Variants in GSE1 observed in about 807,000 individuals in gnomAD.
The protein encoded by GSE1 is Gse1 coiled-coil protein, also known as genetic suppressor element 1.
A neutral mutation model predicts 112.6 loss-of-function variants in GSE1; 32 were observed. The observed-to-expected ratio is 0.28, with a 90% CI of 0.21 to 0.38. GSE1 has a LOEUF of 0.38. Ranked by LOEUF, GSE1 falls within the 10% of genes least tolerant of loss-of-function variation. GSE1 has a pLI of 1.00. For missense variants in GSE1, 2,348 were observed against 1,699.2 expected, an observed-to-expected ratio of 1.38 and a Z score of -6.71; for synonymous variants, 1,115 against 735.6, an observed-to-expected ratio of 1.52 and a Z score of -8.35.
At chr16:85,432,973 C>G (rs893553851) in intron 2 of GSE1, among the ~76,000 whole-genome samples, 2 of 152,054 alleles carry the variant, frequency 1.3e-5, no homozygotes, top group African/African-American at 4.8e-5. Flanking sequence ...AGAGCGGTCA[C>G]ACTGTGGATG....
chr16:85,513,257 TC>T (rs2051807554), intron 2 of GSE1, among the ~76,000 whole-genome samples: 2 of 151,860 alleles, frequency 1.3e-5, no homozygotes, highest in Non-Finnish European at 2.9e-5. Context: ...GGGTTTTCCC[TC>T]CCGGCTCAGA....
intron 1 of GSE1, among the ~76,000 whole-genome samples, chr16:85,213,620 C>T (rs556405973): frequency 1.3e-5 from 2 of 152,248 alleles, no homozygotes; most frequent in Admixed American, 6.5e-5. Context: ...ATTGCAACAG[C>T]CAGCCCGTGT....
intron 1 of GSE1, among the ~76,000 whole-genome samples, chr16:85,271,371 C>G (rs1022251921): frequency 3.9e-5 from 6 of 152,202 alleles, no homozygotes; most frequent in Non-Finnish European, 8.8e-5. Context: ...TCATCTTCCT[C>G]TCAGTCAGCT....
chr16:85,536,603 C>A (rs558111482), intron 2 of GSE1, among the ~76,000 whole-genome samples: 3 of 152,354 alleles, frequency 2.0e-5, no homozygotes, highest in Non-Finnish European at 4.4e-5. Context: ...CACCCACACT[C>A]AGTGTGACAA....
chr16:85,511,797 G>C (rs1306187763), intron 2 of GSE1, among the ~76,000 whole-genome samples: 1 of 152,196 alleles, frequency 6.6e-6, no homozygotes. Flanking sequence ...AGCTGGAAGA[G>C]GCAGGAAGGA....
intron 2 of GSE1, among the ~76,000 whole-genome samples, chr16:85,500,892 A>T (rs575157636): frequency 6.6e-6 from 1 of 151,642 alleles, no homozygotes; most frequent in Non-Finnish European, 1.5e-5. Flanking sequence ...TGCCTCTGTC[A>T]GCACGTGGCT....
intron 2 of GSE1, among the ~76,000 whole-genome samples, chr16:85,635,696 G>C (rs80013363): frequency 1.3e-5 from 2 of 152,136 alleles, no homozygotes. Flanking sequence ...AGGGATTTCC[G>C]AGGCCACGGG....
intron 1 of GSE1, among the ~76,000 whole-genome samples, chr16:85,296,687 C>G (rs2045376094): frequency 6.6e-6 from 1 of 152,212 alleles, no homozygotes. Context: ...ACTTCTTCCT[C>G]TGTGCAAACG....
intron 2 of GSE1, among the ~76,000 whole-genome samples, chr16:85,449,655 A>G (rs950122043): frequency 3.9e-5 from 6 of 152,240 alleles, no homozygotes; most frequent in Non-Finnish European, 8.8e-5. Context: ...AGATGCATTC[A>G]GGAAACACTG....
intron 1 of GSE1, among the ~76,000 whole-genome samples, chr16:85,183,001 C>G (rs888520351): frequency 1.3e-5 from 2 of 152,190 alleles, no homozygotes; most frequent in South Asian, 4.1e-4. Context: ...TGCATACTCA[C>G]TGTTACACAT....
At chr16:85,646,355 G>C (rs2050870343) in intron 2 of GSE1, among the ~76,000 whole-genome samples, 1 of 152,272 alleles carries the variant, frequency 6.6e-6, no homozygotes, top group Non-Finnish European at 1.5e-5. Context: ...TCAGATGGCA[G>C]CATCTGTCCC....
At chr16:85,474,246 G>A (rs918274670) in intron 2 of GSE1, among the ~76,000 whole-genome samples, 2 of 152,058 alleles carry the variant, frequency 1.3e-5, no homozygotes, top group East Asian at 3.9e-4. Context: ...TGCAGGGAGA[G>A]CCGGCATCTC....
chr16:85,621,123 G>A (rs965208458), intron 1 of GSE1, among the ~76,000 whole-genome samples: 1 of 151,822 alleles, frequency 6.6e-6, no homozygotes, highest in African/African-American at 2.4e-5. Flanking sequence ...TCTTGGCCCT[G>A]GGTCTCTGCC....
At chr16:85,323,973 C>G (rs947536744) in intron 1 of GSE1, among the ~76,000 whole-genome samples, 2 of 152,232 alleles carry the variant, frequency 1.3e-5, no homozygotes, top group Admixed American at 6.5e-5. Context: ...TTCTGCACCA[C>G]CCGATTCCTT....
intron 2 of GSE1, among the ~76,000 whole-genome samples, chr16:85,525,542 A>G (rs2052339231): frequency 6.6e-6 from 1 of 152,108 alleles, no homozygotes; most frequent in South Asian, 2.1e-4. Context: ...GGGGGTGAAT[A>G]CCTCATGGTG....
At chr16:85,170,964 C>T (rs763878400) in exon 1 of GSE1, 1 of 985,516 alleles carries the variant, frequency 1.0e-6, no homozygotes. Flanking sequence ...TGCGAGAGGC[C>T]TGCTACCTCT....
intron 2 of GSE1, among the ~76,000 whole-genome samples, chr16:85,456,640 G>GTGTGTGTGTGTT: frequency 7.2e-6 from 1 of 139,646 alleles, no homozygotes; most frequent in Non-Finnish European, 1.5e-5. Flanking sequence ...GTGTGTGTGT[G>GTGTGTGTGTGTT]GTCTGCCATT....
At chr16:85,258,490 C>G (rs1567644480) in intron 1 of GSE1, among the ~76,000 whole-genome samples, 1 of 151,476 alleles carries the variant, frequency 6.6e-6, no homozygotes, top group Admixed American at 6.5e-5. Context: ...CCCAGCAAAG[C>G]TCAGCCCTCT....
chr16:85,402,179 C>A (rs1597612185), intron 2 of GSE1, among the ~76,000 whole-genome samples: 1 of 152,352 alleles, frequency 6.6e-6, no homozygotes, highest in South Asian at 2.1e-4. Context: ...GATGTCTGGG[C>A]TGTGTCCATA....
Sources: allele counts gnomAD v4.1 joint callset (sites outside exome capture counted in the v4.1 genomes callset), GRCh38; gene constraint gnomAD v4.1.1; transcripts MANE v1.5; gene names NCBI Gene and HGNC (gene_info 2026-07-23, HGNC 2026-07-21).